MMP10: variants seen among roughly 807,000 people sequenced by gnomAD.
MMP10 encodes the protein stromelysin-2.
A neutral mutation model predicts 49.1 loss-of-function variants in MMP10; 50 were observed. The observed-to-expected ratio is 1.02, with a 90% CI of 0.81 to 1.29. The LOEUF (loss-of-function observed/expected upper bound fraction) is 1.29, where lower values mean the gene tolerates loss of function less well. Among genes scored for constraint, MMP10 ranks in the 50% most tolerant of loss-of-function variants. The pLI, the probability that MMP10 is intolerant of heterozygous loss-of-function variation, is 0.00. For missense variants in MMP10, 613 were observed against 563.8 expected (o/e 1.09, Z -0.88); for synonymous variants, 229 against 201.6 (o/e 1.14, Z -1.15).
rs768515354 is a variant in MMP10 at position 102,779,227 on chromosome 11, G to C, written c.482C>G (p.Ser161Cys). 6.2e-7 allele frequency: 1 copy of C among 1,613,196 alleles called. No homozygotes were observed. Among genetic ancestry groups the C allele is most frequent in the Admixed American group, 1.7e-5 (1 of 59,996 alleles). Residue 161 changes from serine (S) to cysteine (C), a missense_variant, in exon 3 of 10, where the codon TCT becomes TGT. Transcript: ENST00000279441. Reference sequence around the variant, plus strand: ...TATTTGATTACCTTTAACTGCAAAAGAGATCATTATATCAGCCTCTCCTTC... The same window carrying C: ...TATTTGATTACCTTTAACTGCAAAACAGATCATTATATCAGCCTCTCCTTC... ...LYEGEADIMI[S>C]FAVKEHGDFY...
At chr11:102,776,194 A>T in intron 6 of MMP10, 86 bp downstream of exon 6, 1 of 1,289,972 alleles carries the variant, frequency 7.8e-7, no homozygotes, top group East Asian at 2.4e-5. Context: ...TAAAATTAAA[A>T]AAAAAGCTCT....
chr11:102,777,916 C>T (rs572853506), intron 4 of MMP10, among the ~76,000 whole-genome samples: 87 of 152,194 alleles, frequency 5.7e-4, no homozygotes, highest in Middle Eastern at 6.8e-3. Flanking sequence ...CAGTGATTCT[C>T]GTGCCTCAGC....
Position 102,780,588 on chromosome 11 carries a change from T to C in MMP10, c.4A>G (p.Met2Val). 6.2e-7 allele frequency: 1 copy of C among 1,613,492 alleles called. No individual in the cohort carries two copies. Among genetic ancestry groups the C allele is most frequent in the Non-Finnish European group, 8.5e-7 (1 of 1,179,748 alleles). Residue 2 changes from methionine (M) to valine (V), a missense_variant, in exon 1 of 10, where the codon ATG becomes GTG. Coordinates refer to ENST00000279441, the MANE Select transcript of MMP10 (RefSeq NM_002425.3). Reference protein sequence around the residue: MMHLAFLVLLCL... With the variant: MVHLAFLVLLCL... Reference sequence around the variant, plus strand: ...AACAGCACAAGGAATGCAAGATGCATCATTCTCACTGCCCTTACCTTCTTT... The same window carrying C: ...AACAGCACAAGGAATGCAAGATGCACCATTCTCACTGCCCTTACCTTCTTT...
intron 9 of MMP10, 111 bp from the exon 10 acceptor site, chr11:102,771,004 T>G: frequency 1.4e-6 from 1 of 699,540 alleles, no homozygotes; most frequent in South Asian, 1.9e-5. Flanking sequence ...ATTAAGTGAT[T>G]ACTCTATGCC....
At chr11:102,777,748 G>T (rs534819248) in intron 4 of MMP10, among the ~76,000 whole-genome samples, 5 of 152,134 alleles carry the variant, frequency 3.3e-5, no homozygotes, top group East Asian at 1.9e-4. Flanking sequence ...TTTAACCAAG[G>T]CTCCAAGAAT....
At position 102,780,478 on chromosome 11, in the gene MMP10, G is replaced by GTT; in HGVS notation, c.105+7_105+8dup. 1 of 1,612,882 alleles carries GTT rather than the reference G, an allele frequency of 6.2e-7. No individual in the cohort carries two copies. The highest frequency in any genetic ancestry group is 8.5e-7 in the Non-Finnish European group (1 of 1,179,132). On this transcript the variant is annotated intron_variant, in intron 1 of 9. Coordinates refer to ENST00000279441, the MANE Select transcript of MMP10 (RefSeq NM_002425.3). ...GCCAGTAGCTGCAATAGATGCCACC[G>GTT]TTAATTACCTGGGCAAGATCCTTGT...
intron 9 of MMP10, among the ~76,000 whole-genome samples, chr11:102,771,748 G>A (rs1241748940): frequency 6.6e-6 from 1 of 151,998 alleles, no homozygotes; most frequent in Non-Finnish European, 1.5e-5. Context: ...TGGCTTCTGT[G>A]TGAGGAAGTA....
In MMP10 at chr11:102,775,273, C is replaced by A. The variant is rs755289955; in HGVS notation, c.981G>T (p.Leu327Phe). The A allele has an allele frequency of 1.2e-6, 2 of 1,609,452 alleles. No individual in the cohort carries two copies. The highest frequency in any genetic ancestry group is 1.1e-5 in the South Asian group (1 of 90,098). ...GAAGAGAGGGCCAAAATGCAGAAAT[C>A]AAATGAAATTCAGGTTCAGGGTTCC... is the stretch of plus-strand genomic sequence containing the variant. The part of the protein sequence containing the change: ...SHWNPEPEFH[L>F]ISAFWPSLPS... Residue 327 changes from leucine (L) to phenylalanine (F), a missense_variant, in exon 7 of 10, where the codon TTG becomes TTT. Coordinates refer to ENST00000279441, the MANE Select transcript of MMP10 (RefSeq NM_002425.3).
intron 1 of MMP10, 49 bp from the exon 2 acceptor site, chr11:102,779,794 T>C (rs781635762): frequency 2.5e-6 from 4 of 1,571,632 alleles, no homozygotes; most frequent in Non-Finnish European, 3.5e-6. Flanking sequence ...TTCCATCATT[T>C]ATCCAACTTT....
At chr11:102,780,463 G>T (rs367596874) in intron 1 of MMP10, 24 bp downstream of exon 1, 280 of 1,600,432 alleles carry the variant, frequency 1.7e-4, no homozygotes, top group Middle Eastern at 3.3e-4. Context: ...GCCAGTAGCT[G>T]CAATAGATGC....
chr11:102,776,238 C>T (rs1305513828), intron 6 of MMP10, 42 bp downstream of exon 6: 1 of 1,569,058 alleles, frequency 6.4e-7, no homozygotes, highest in East Asian at 2.2e-5. Context: ...AAGCACTGTA[C>T]ATCAAAAGAA....
intron 4 of MMP10, among the ~76,000 whole-genome samples, chr11:102,778,311 A>T (rs909718422): frequency 1.3e-5 from 2 of 152,234 alleles, no homozygotes; most frequent in East Asian, 3.8e-4. Flanking sequence ...TATCCTAATC[A>T]TCTATCATTA....
At chr11:102,774,038 C>T (rs986878373) in intron 7 of MMP10, among the ~76,000 whole-genome samples, 1 of 152,328 alleles carries the variant, frequency 6.6e-6, no homozygotes, top group African/African-American at 2.4e-5. Flanking sequence ...ATTTGATCTT[C>T]ACATAAGTGA....
chr11:102,774,129 G>A (rs568563299), intron 7 of MMP10, among the ~76,000 whole-genome samples: 115 of 151,904 alleles, frequency 7.6e-4, no homozygotes, highest in South Asian at 1.7e-3. Flanking sequence ...TGAGTCTAGG[G>A]AAAAAATAAA....
rs370387553 is a variant in MMP10, at chr11:102,776,923, A to G, written c.623-147T>C. 1.0e-3 allele frequency: 973 copies of G among 936,642 alleles called. 21 individuals are homozygous for G. In the South Asian group the frequency reaches 0.015, roughly 14 times the overall value. 58.0% of individuals were successfully genotyped at this position (936,642 alleles called of 1,614,324 possible). ...ATTGGTTCATTGATTGGCACATTCC[A>G]TACTTTATAGAAATTAATGTGTTTT... is the stretch of plus-strand genomic sequence containing the variant. On this transcript the variant is annotated intron_variant, in intron 4 of 9. Coordinates refer to ENST00000279441, the MANE Select transcript of MMP10 (RefSeq NM_002425.3).
chr11:102,780,345 A>C (rs1591071089), intron 1 of MMP10, 142 bp downstream of exon 1: 1 of 654,188 alleles, frequency 1.5e-6, no homozygotes, highest in Non-Finnish European at 2.7e-6. Flanking sequence ...AATAATTTCC[A>C]CCTCCAGCCT....
At chr11:102,777,305 T>A (rs1591069466) in intron 4 of MMP10, among the ~76,000 whole-genome samples, 1 of 152,180 alleles carries the variant, frequency 6.6e-6, no homozygotes, top group South Asian at 2.1e-4. Context: ...AAGTAATTTT[T>A]TTTTTTGAGA....
chr11:102,778,344 T>C (rs1857774715), intron 4 of MMP10, among the ~76,000 whole-genome samples: 1 of 152,196 alleles, frequency 6.6e-6, no homozygotes, highest in Non-Finnish European at 1.5e-5. Context: ...ACATTATTAA[T>C]TATGCTGATC....
chr11:102,776,484 T>G, intron 5 of MMP10, 60 bp from the exon 6 acceptor site: 1 of 1,593,790 alleles, frequency 6.3e-7, no homozygotes, highest in Non-Finnish European at 8.6e-7. Flanking sequence ...ATCTGTCAAT[T>G]TGTGTGCCTT....
Sources: allele counts gnomAD v4.1 joint callset (sites outside exome capture counted in the v4.1 genomes callset), GRCh38; gene constraint gnomAD v4.1.1; transcripts MANE v1.5; gene names NCBI Gene and HGNC (gene_info 2026-07-23, HGNC 2026-07-21).